Variants in SYNPR observed in about 807,000 individuals in gnomAD.
SYNPR encodes the protein synaptoporin.
In SYNPR, 23 loss-of-function variants were observed where a neutral mutation model predicts 32.9. The observed-to-expected ratio is 0.70, with a 90% CI of 0.50 to 0.99. The LOEUF (loss-of-function observed/expected upper bound fraction) is 0.99. Among genes scored for constraint, SYNPR ranks in the 50% least tolerant of loss-of-function variants. The pLI, the probability that SYNPR is intolerant of heterozygous loss-of-function variation, is 0.00. For missense variants in SYNPR, 318 were observed against 349.3 expected, an observed-to-expected ratio of 0.91 and a Z score of 0.71; for synonymous variants, 146 against 135.9, an observed-to-expected ratio of 1.07 and a Z score of -0.52.
chr3:63,339,952 A>T (rs562612047), intron 2 of SYNPR, among the ~76,000 whole-genome samples: 41 of 152,168 alleles, frequency 2.7e-4, no homozygotes, highest in Non-Finnish European at 4.9e-4. Flanking sequence ...CCACCATGCC[A>T]AGCCTACCTT....
intron 2 of SYNPR, among the ~76,000 whole-genome samples, chr3:63,433,947 A>G (rs958920613): frequency 3.3e-5 from 5 of 152,178 alleles, no homozygotes; most frequent in Non-Finnish European, 7.3e-5. Context: ...CCTTTGCTGC[A>G]GGGCATCATC....
At chr3:63,558,645 A>T (rs13060774) in intron 4 of SYNPR, among the ~76,000 whole-genome samples, 12,991 of 152,190 alleles carry the variant, frequency 0.085, 685 homozygotes, top group Non-Finnish European at 0.12. Context: ...GCTATTTTTA[A>T]AATTTAATAA....
intron 4 of SYNPR, among the ~76,000 whole-genome samples, chr3:63,590,972 A>C (rs888945074): frequency 6.8e-6 from 1 of 147,904 alleles, no homozygotes; most frequent in East Asian, 2.1e-4. Flanking sequence ...TAATTAAACT[A>C]AAGAGCTTCT....
chr3:63,480,788 T>A (rs988226984), intron 2 of SYNPR, 44 bp from the exon 3 acceptor site: 1 of 1,604,772 alleles, frequency 6.2e-7, no homozygotes, highest in South Asian at 1.1e-5. Context: ...TAGAGCAACA[T>A]CATCCTAATA....
intron 4 of SYNPR, among the ~76,000 whole-genome samples, chr3:63,579,981 A>G (rs1703061312): frequency 6.6e-6 from 1 of 152,020 alleles, no homozygotes; most frequent in African/African-American, 2.4e-5. Flanking sequence ...CATTTGAAAG[A>G]TTTTCTCATT....
chr3:63,326,740 G>C (rs1015975110), intron 2 of SYNPR, among the ~76,000 whole-genome samples: 1 of 152,056 alleles, frequency 6.6e-6, no homozygotes, highest in Non-Finnish European at 1.5e-5. Flanking sequence ...ACCAAGAAAG[G>C]GAGTTGTGAT....
At chr3:63,242,228 T>C (rs2086254316) in intron 1 of SYNPR, among the ~76,000 whole-genome samples, 1 of 152,120 alleles carries the variant, frequency 6.6e-6, no homozygotes, top group South Asian at 2.1e-4. Context: ...AGCAGAGCTT[T>C]GCTTAAAAAT....
At chr3:63,202,594 A>G in the SYNPR span, among the ~76,000 whole-genome samples, 1 of 56,226 alleles carries the variant, frequency 1.8e-5, no homozygotes, top group Non-Finnish European at 4.7e-5. Flanking sequence ...ATATGAAAAG[A>G]TTATTTTTAA....
At chr3:63,600,237 G>A (rs1004766482) in intron 4 of SYNPR, among the ~76,000 whole-genome samples, 13 of 152,144 alleles carry the variant, frequency 8.5e-5, no homozygotes, top group South Asian at 2.1e-4. Flanking sequence ...CAGTAAATAC[G>A]GACAGCAGCT....
intron 2 of SYNPR, among the ~76,000 whole-genome samples, chr3:63,392,476 T>C (rs2088151470): frequency 6.6e-6 from 1 of 152,198 alleles, no homozygotes; most frequent in Admixed American, 6.5e-5. Context: ...GTTATCTTTC[T>C]CACCCACCTG....
intron 3 of SYNPR, among the ~76,000 whole-genome samples, chr3:63,482,109 G>A (rs889763580): frequency 6.6e-5 from 10 of 152,154 alleles, no homozygotes; most frequent in African/African-American, 1.2e-4. Flanking sequence ...CTGGTGTGGC[G>A]GTGGAGAGCA....
intron 2 of SYNPR, chr3:63,351,508 G>T (rs2087509749): frequency 6.6e-6 from 1 of 152,160 alleles, no homozygotes; most frequent in African/African-American, 2.4e-5. Context: ...CAAGGAAATT[G>T]AAATTAAAAC....
At chr3:63,495,874 T>C in intron 3 of SYNPR, among the ~76,000 whole-genome samples, 1 of 152,104 alleles carries the variant, frequency 6.6e-6, no homozygotes. Flanking sequence ...ACTATAATGA[T>C]GGATACATGT....
At chr3:63,239,618 G>C (rs1274208230) in intron 1 of SYNPR, among the ~76,000 whole-genome samples, 1 of 150,618 alleles carries the variant, frequency 6.6e-6, no homozygotes, top group Admixed American at 6.6e-5. Context: ...TACTATCATT[G>C]TCAAGTGTAT....
intron 3 of SYNPR, among the ~76,000 whole-genome samples, chr3:63,528,523 G>A (rs1015800699): frequency 6.6e-6 from 1 of 152,020 alleles, no homozygotes; most frequent in African/African-American, 2.4e-5. Flanking sequence ...TCCCAGGGCG[G>A]TTACCATTGT....
chr3:63,515,277 G>GT (rs1268602697), intron 3 of SYNPR, among the ~76,000 whole-genome samples: 1 of 151,812 alleles, frequency 6.6e-6, no homozygotes, highest in African/African-American at 2.4e-5. Context: ...CCCCTCTGTT[G>GT]TTCTCACCTC....
At chr3:63,594,008 T>C (rs1699890671) in intron 4 of SYNPR, among the ~76,000 whole-genome samples, 1 of 152,104 alleles carries the variant, frequency 6.6e-6, no homozygotes, top group Non-Finnish European at 1.5e-5. Flanking sequence ...AAAAAATCAA[T>C]GGGATTTGGA....
intron 2 of SYNPR, among the ~76,000 whole-genome samples, chr3:63,392,135 A>G (rs2088145549): frequency 6.6e-6 from 1 of 152,232 alleles, no homozygotes; most frequent in African/African-American, 2.4e-5. Flanking sequence ...ATTATAGAAA[A>G]GAGAAAACAT....
intron 2 of SYNPR, among the ~76,000 whole-genome samples, chr3:63,473,516 T>C (rs1700843975): frequency 6.6e-6 from 1 of 152,200 alleles, no homozygotes; most frequent in Non-Finnish European, 1.5e-5. Flanking sequence ...TGTATTGCCT[T>C]TTCTTAGGGA....
Sources: gnomAD v4.1 joint callset for allele counts (sites outside exome capture counted in the v4.1 genomes callset) on GRCh38, gnomAD v4.1.1 for gene constraint, MANE v1.5 for transcripts, NCBI Gene and HGNC (gene_info 2026-07-23, HGNC 2026-07-21) for gene names.